The following UGT2B4 variants were observed in gnomAD, a reference collection of about 807,000 sequenced individuals.
UGT2B4 encodes the protein UDP-glucuronosyltransferase 2B4.
A neutral mutation model predicts 49.8 loss-of-function variants in UGT2B4; 49 were observed. The ratio of observed to expected loss-of-function variants is 0.98; its 90% CI spans 0.78 to 1.25. The LOEUF is 1.25. Ranked by LOEUF, UGT2B4 falls within the 50% of genes most tolerant of loss-of-function variation. The probability of loss-of-function intolerance (pLI) is 0.00; values close to 1 mark genes in which losing one functional copy is unlikely to be tolerated. For synonymous variants in UGT2B4, 246 were observed against 217.7 expected (o/e 1.13, Z -1.14); for missense variants, 729 against 627.7 (o/e 1.16, Z -1.73).
At chr4:69,513,025 C>T (rs978662361) in intron 1 of UGT2B4, among the ~76,000 whole-genome samples, 1 of 152,118 alleles carries the variant, frequency 6.6e-6, no homozygotes, top group African/African-American at 2.4e-5. Context: ...TTCTCCCATT[C>T]TGTAGGTTGT....
rs1560436192 is a variant in UGT2B4 at position 69,495,315 on chromosome 4, G to A, written c.547C>T (p.His183Tyr). ...RFSPGYAIEK[H>Y]SGGLLFPPSY... is the part of the protein sequence containing the mutation. ...GGAGGGAACAGAAGTCCTCCACTAT[G>A]CTTTTCAATTGCGTAGCCAGGAGAG... Residue 183 changes from histidine to tyrosine, a missense_variant, in exon 1 of 6, where the codon CAT becomes TAT. Coordinates refer to ENST00000305107, the MANE Select transcript of UGT2B4 (RefSeq NM_021139.3). The A allele has an allele frequency of 6.2e-7, 1 of 1,613,030 alleles. No individual in the cohort carries two copies. The highest frequency in any genetic ancestry group is 8.5e-7 in the Non-Finnish European group (1 of 1,179,640).
chr4:69,494,433 G>A (rs1300564581), intron 1 of UGT2B4, among the ~76,000 whole-genome samples: 1 of 151,956 alleles, frequency 6.6e-6, no homozygotes, highest in African/African-American at 2.4e-5. Flanking sequence ...AGAACTTGTT[G>A]AAACAGAAAT....
chr4:69,520,161 CAT>C (rs1461614826), intron 1 of UGT2B4, among the ~76,000 whole-genome samples: 1 of 152,156 alleles, frequency 6.6e-6, no homozygotes, highest in Non-Finnish European at 1.5e-5. Flanking sequence ...TTTTCACACA[CAT>C]ATGTATCACA....
In UGT2B4 at chr4:69,493,704, G is replaced by T. The variant is rs1475750134; in HGVS notation, c.859C>A (p.Pro287Thr). The T allele has an allele frequency of 1.9e-6, 3 of 1,607,420 alleles. No homozygotes were observed. The highest frequency in any genetic ancestry group is 1.7e-4 in the Middle Eastern group (1 of 5,928). Residue 287 changes from proline to threonine, a missense_variant, in exon 2 of 6, where the codon CCC becomes ACC. Coordinates refer to ENST00000305107, the MANE Select transcript of UGT2B4 (RefSeq NM_021139.3). ...VGGLHCKPAK[P>T]LPKEMEEFVQ... ...CAGTAATAGTTTACCTTCGGTAGGG[G>T]TTTGGCAGGTTTGCAGTGGAGTCCT...
At chr4:69,511,538 G>A (rs1308308690) in intron 1 of UGT2B4, among the ~76,000 whole-genome samples, 6 of 151,772 alleles carry the variant, frequency 4.0e-5, no homozygotes, top group Admixed American at 2.6e-4. Context: ...AATATGCTGT[G>A]GAATTAAGTT....
chr4:69,492,365 G>T (rs1255648872), intron 2 of UGT2B4, among the ~76,000 whole-genome samples: 1 of 152,060 alleles, frequency 6.6e-6, no homozygotes, highest in Non-Finnish European at 1.5e-5. Flanking sequence ...GGGTCTGGCT[G>T]CAAATACTAA....
intron 1 of UGT2B4, among the ~76,000 whole-genome samples, chr4:69,507,952 T>C (rs1728517033): frequency 1.3e-5 from 2 of 152,306 alleles, no homozygotes; most frequent in Admixed American, 1.3e-4. Context: ...TTTTGTAAAC[T>C]ATGCATCTGG....
intron 1 of UGT2B4, among the ~76,000 whole-genome samples, chr4:69,523,459 G>T (rs1198173314): frequency 6.6e-6 from 1 of 152,082 alleles, no homozygotes; most frequent in African/African-American, 2.4e-5. Flanking sequence ...CCTTGTCATT[G>T]AGAGGTAAAA....
intron 1 of UGT2B4, among the ~76,000 whole-genome samples, chr4:69,512,888 A>C (rs564119010): frequency 6.6e-5 from 10 of 152,106 alleles, no homozygotes; most frequent in African/African-American, 2.4e-4. Flanking sequence ...TCTTCTTTTG[A>C]AAGTGTATGT....
At chr4:69,500,112 C>T (rs544212003), upstream of UGT2B4, among the ~76,000 whole-genome samples, 2 of 152,190 alleles carry the variant, frequency 1.3e-5, no homozygotes, top group African/African-American at 2.4e-5. Flanking sequence ...GGATGCAGCT[C>T]GAAGCCATTA....
intron 1 of UGT2B4, among the ~76,000 whole-genome samples, chr4:69,508,334 A>T (rs531552822): frequency 6.6e-6 from 1 of 152,302 alleles, no homozygotes; most frequent in East Asian, 1.9e-4. Context: ...CATTTGACCC[A>T]GCAATCCCAT....
chr4:69,491,279 A>T (rs946502861), intron 2 of UGT2B4, among the ~76,000 whole-genome samples: 1 of 152,020 alleles, frequency 6.6e-6, no homozygotes, highest in African/African-American at 2.4e-5. Context: ...TATTGATAAA[A>T]TTATTGTAAT....
At chr4:69,490,745 G>A (rs1727959269) in intron 2 of UGT2B4, among the ~76,000 whole-genome samples, 1 of 152,098 alleles carries the variant, frequency 6.6e-6, no homozygotes, top group Non-Finnish European at 1.5e-5. Context: ...CAGTGTTAAT[G>A]ATGTTAGAGT....
chr4:69,481,112 AAAAAAG>A (rs1439736118), intron 5 of UGT2B4, among the ~76,000 whole-genome samples: 5 of 148,306 alleles, frequency 3.4e-5, no homozygotes, highest in Admixed American at 6.7e-5. Context: ...AAAAAAAAAA[AAAAAAG>A]ATTACCCAGG....
chr4:69,500,699 A>G (rs1728298834), upstream of UGT2B4, among the ~76,000 whole-genome samples: 1 of 151,578 alleles, frequency 6.6e-6, no homozygotes. Context: ...AAGCAGGATG[A>G]TGGTCCATCC....
chr4:69,493,900 T>G lies in UGT2B4; in HGVS notation c.722-59A>C, dbSNP rs763999791. On this transcript the variant is annotated intron_variant, in intron 1 of 5. Transcript: ENST00000305107. ...CACAAGATAATTAAACTAGGTAATT[T>G]TCTGAAAGAAGTTAGAATAATGTGG... The G allele has an allele frequency of 1.0e-4, 160 of 1,540,306 alleles. 1 individual carries two copies. In the South Asian group the frequency reaches 1.9e-3, roughly 18 times the overall value.
At position 69,485,315 on chromosome 4, in the gene UGT2B4, A is replaced by T. The variant is rs1727744868; in HGVS notation, c.1203T>A (p.Asp401Glu). ...VGVPLFADQP[D>E]NIAHMKAKGA... Reference sequence around the variant, plus strand: ...CCTTGGCCTTCATGTGTGCAATGTTATCAGGTTGATCTGCAAACAATGGAA... The same window carrying T: ...CCTTGGCCTTCATGTGTGCAATGTTTTCAGGTTGATCTGCAAACAATGGAA... Residue 401 changes from aspartate (D) to glutamate (E), a missense_variant, in exon 5 of 6, where the codon GAT (aspartate) becomes GAA (glutamate). Asp to Glu is a conservative substitution (Grantham distance 45, BLOSUM62 2). Coordinates refer to ENST00000305107, the MANE Select transcript of UGT2B4 (RefSeq NM_021139.3). 4 of 1,614,066 alleles carry T rather than the reference A, an allele frequency of 2.5e-6. No individual in the cohort carries two copies. Among genetic ancestry groups the T allele is most frequent in the Middle Eastern group, 1.7e-4 (1 of 6,060 alleles).
chr4:69,525,040 G>A (rs1728948912), intron 1 of UGT2B4, among the ~76,000 whole-genome samples: 1 of 152,166 alleles, frequency 6.6e-6, no homozygotes, highest in Non-Finnish European at 1.5e-5. Flanking sequence ...TTTAAAAATT[G>A]GTTGAAATTG....
chr4:69,495,993 A>G, upstream of UGT2B4: 1 of 1,387,946 alleles, frequency 7.2e-7, no homozygotes, highest in Non-Finnish European at 9.6e-7. Flanking sequence ...TTATATTAAC[A>G]GTCTGAGCAT....
Sources: gnomAD v4.1 joint callset for allele counts (sites outside exome capture counted in the v4.1 genomes callset) on GRCh38, gnomAD v4.1.1 for gene constraint, MANE v1.5 for transcripts, NCBI Gene and HGNC (gene_info 2026-07-23, HGNC 2026-07-21) for gene names.